The following DLG5 variants were observed in gnomAD, a reference collection of about 807,000 sequenced individuals.
DLG5 encodes the protein discs large MAGUK scaffold protein 5.
A neutral mutation model predicts 189.8 loss-of-function variants in DLG5; 48 were observed. The ratio of observed to expected loss-of-function variants is 0.25; its 90% CI spans 0.20 to 0.32. The LOEUF (loss-of-function observed/expected upper bound fraction) is 0.32, where lower values mean the gene tolerates loss of function less well. DLG5 is among the 10% of genes least tolerant of loss of function. DLG5 has a pLI of 1.00. For synonymous variants in DLG5, 1,016 were observed against 1,054.1 expected (o/e 0.96, Z 0.70); for missense variants, 2,160 against 2,544.7 (o/e 0.85, Z 3.25).
chr10:77,936,683 C>T, the DLG5 span, among the ~76,000 whole-genome samples: 1 of 152,192 alleles, frequency 6.6e-6, no homozygotes, highest in Admixed American at 6.5e-5. Context: ...TACCTAACCT[C>T]ACTTTGCAAA....
chr10:77,796,259 G>A lies in DLG5; in HGVS notation c.5309-71C>T. On this transcript the variant is annotated intron_variant, in intron 28 of 31. Coordinates refer to ENST00000372391, the MANE Select transcript of DLG5 (RefSeq NM_004747.4). This position sits in a 1 kb window ranked among gnomAD's most constrained non-coding sequence, Gnocchi z 5.2. Reference sequence around the variant, plus strand: ...AGCCCCAGCAGAGGGAGCAGGGGAAGAACACTGCTCAGCAGCTGTCAGTAA... The same window carrying A: ...AGCCCCAGCAGAGGGAGCAGGGGAAAAACACTGCTCAGCAGCTGTCAGTAA... 1 of 1,608,736 alleles carries A rather than the reference G, an allele frequency of 6.2e-7. No homozygotes were observed. The highest frequency in any genetic ancestry group is 8.5e-7 in the Non-Finnish European group (1 of 1,176,396).
intron 1 of DLG5, among the ~76,000 whole-genome samples, chr10:77,880,191 C>T (rs1204487668): frequency 6.6e-6 from 1 of 152,106 alleles, no homozygotes; most frequent in Non-Finnish European, 1.5e-5. Flanking sequence ...CAGTGGCTCA[C>T]ACCTGTAATC....
chr10:77,856,595 G>A (rs766820044), intron 3 of DLG5, 135 bp downstream of exon 3: 18 of 1,165,866 alleles, frequency 1.5e-5, no homozygotes, highest in Non-Finnish European at 2.2e-5. Flanking sequence ...CTGGACATGA[G>A]GTGGGGGAAA....
At position 77,820,497 on chromosome 10, in the gene DLG5, A is replaced by T. The variant is rs557758716; in HGVS notation, c.3403-479T>A. The T allele has an allele frequency of 8.0e-5, 13 of 163,442 alleles. No individual in the cohort carries two copies. The South Asian group carries it at 2.2e-3, about 28-fold the overall frequency. 10.1% of individuals were successfully genotyped at this position (163,442 alleles called of 1,614,324 possible). A position where few individuals can be genotyped will look rare whatever the true frequency, so the allele number is the denominator to read the frequency against. ...ATTCATGTTGCCTTACACATCTTCA[A>T]GGAAGCAGCTTTACTTCAGAAGAAA... On this transcript the variant is annotated intron_variant, in intron 15 of 31. Transcript: ENST00000372391.
chr10:77,835,986 C>T (rs1589186441), intron 7 of DLG5, 64 bp from the exon 8 acceptor site: 4 of 1,542,584 alleles, frequency 2.6e-6, no homozygotes, highest in East Asian at 4.5e-5. Context: ...GGAGCGCCTC[C>T]CACCAGTGCG....
chr10:77,884,541 G>C (rs1476414208), intron 1 of DLG5, among the ~76,000 whole-genome samples: 5 of 152,172 alleles, frequency 3.3e-5, no homozygotes, highest in African/African-American at 1.2e-4. Flanking sequence ...CATGGTTCAT[G>C]GTGGTCGGCA....
At position 77,794,021 on chromosome 10, in the gene DLG5, G is replaced by A. The variant is rs536322905; in HGVS notation, c.5643C>T (p.Ser1881=). ...EAAQKLEQEY[S]RYFTGVIQGG... is the part of the protein sequence containing the mutation. ...ACGCACACCTACCTGTGAAGTACCT[G>A]CTGTACTCCTGCTCAAGCTTCTGCG... The change falls in exon 31 of 32, where the codon AGC becomes AGT. Residue 1881 remains serine, a synonymous_variant. Coordinates refer to ENST00000372391, the MANE Select transcript of DLG5 (RefSeq NM_004747.4). 3.6e-5 allele frequency: 58 copies of A among 1,613,854 alleles called. No individual in the cohort carries two copies. In the East Asian group the frequency reaches 1.2e-3, roughly 33 times the overall value.
rs1488016884 is a variant in DLG5, at chr10:77,829,421, G to A, written c.2119C>T (p.Arg707Trp). ...NGEGAINMVV[R>W]RRKSLGGKVV... Reference sequence around the variant, plus strand: ...TTCCCACCCAGGGACTTCCTCCGCCGCACGACCATGTTGATGGCCCCCTCC... The same window carrying A: ...TTCCCACCCAGGGACTTCCTCCGCCACACGACCATGTTGATGGCCCCCTCC... The change falls in exon 12 of 32, where the codon CGG becomes TGG. Residue 707 changes from arginine (R) to tryptophan (W), a missense_variant. Transcript: ENST00000372391. 6.2e-7 allele frequency: 1 copy of A among 1,614,206 alleles called. No homozygotes were observed. Among genetic ancestry groups the A allele is most frequent in the Non-Finnish European group, 8.5e-7 (1 of 1,180,042 alleles).
chr10:77,920,249 TA>T (rs1392854098), intron 1 of DLG5, among the ~76,000 whole-genome samples: 3 of 152,200 alleles, frequency 2.0e-5, no homozygotes, highest in African/African-American at 7.2e-5. Context: ...GATTGTCAAA[TA>T]GCACAGTGAA....
At chr10:77,904,356 G>A (rs540166259) in intron 1 of DLG5, among the ~76,000 whole-genome samples, 1 of 151,974 alleles carries the variant, frequency 6.6e-6, no homozygotes, top group East Asian at 1.9e-4. Context: ...TTGGACTGTG[G>A]ACTTTTGGAT....
chr10:77,919,737 T>C (rs1846479822), intron 1 of DLG5, among the ~76,000 whole-genome samples: 1 of 151,996 alleles, frequency 6.6e-6, no homozygotes, highest in South Asian at 2.1e-4. Context: ...GGCAGCCAGC[T>C]CCACACCACC....
At chr10:77,924,008 G>A (rs1368218101) in intron 1 of DLG5, among the ~76,000 whole-genome samples, 4 of 152,042 alleles carry the variant, frequency 2.6e-5, no homozygotes, top group African/African-American at 9.7e-5. Flanking sequence ...GGGACTACAG[G>A]CGCCCACAAC....
Position 77,830,224 on chromosome 10 carries a change from G to A in DLG5, c.2002C>T (p.Arg668Cys). The A allele has an allele frequency of 6.2e-7, 1 of 1,614,070 alleles. No homozygotes were observed. The highest frequency in any genetic ancestry group is 8.5e-7 in the Non-Finnish European group (1 of 1,180,038). Residue 668 changes from arginine to cysteine, a missense_variant, in exon 11 of 32, where the codon CGC becomes TGC. Around this residue, in one of 5 missense-constraint regions of DLG5, gnomAD observed 107 missense variants for 214.5 expected, o/e 0.50. Coordinates refer to ENST00000372391, the MANE Select transcript of DLG5 (RefSeq NM_004747.4). The stretch of plus-strand genomic sequence containing the variant: ...CTGGGCCTCAACTCTTACCTTAAGC[G>A]GCCATCAGCAATGCTTCCTTTGTCC... The part of the protein sequence containing the change: ...KVDKGSIADG[R>C]LRVNDWLLRI...
chr10:77,852,722 G>A (rs992309576), intron 5 of DLG5, among the ~76,000 whole-genome samples: 1 of 152,134 alleles, frequency 6.6e-6, no homozygotes, highest in Admixed American at 6.5e-5. Flanking sequence ...TGTCACTGAT[G>A]TTTTTAAAGG....
rs150830203 is a variant in DLG5, at chr10:77,809,715, G to C, written c.4479C>G (p.Ala1493=). 146 of 1,612,612 alleles carry C rather than the reference G, an allele frequency of 9.1e-5. No individual in the cohort carries two copies. In the African/African-American group the frequency reaches 1.7e-3, roughly 19 times the overall value. The part of the protein sequence containing the change: ...KQSSSRIAGD[A]NKKTLEPRVV... ...CGCGTGGCTCCAGGGTCTTCTTGTTGGCATCTCCCGCAATCCTTTCAGGAA... is the reference window on the plus strand; with the variant it reads ...CGCGTGGCTCCAGGGTCTTCTTGTTCGCATCTCCCGCAATCCTTTCAGGAA... The change falls in exon 24 of 32, where the codon GCC becomes GCG. Residue 1493 remains alanine, a synonymous_variant. Transcript: ENST00000372391.
chr10:77,832,833 G>A (rs1232017779), intron 9 of DLG5, among the ~76,000 whole-genome samples: 1 of 152,166 alleles, frequency 6.6e-6, no homozygotes, highest in African/African-American at 2.4e-5. Context: ...CTAGACCCAA[G>A]ATGGTTCCTG....
At chr10:77,923,343 T>G (rs1846590469) in intron 1 of DLG5, among the ~76,000 whole-genome samples, 2 of 152,174 alleles carry the variant, frequency 1.3e-5, no homozygotes, top group Non-Finnish European at 2.9e-5. Context: ...AAGACTTCCA[T>G]TCCTTCAGCC....
rs201748635 is a variant in DLG5 at position 77,821,465 on chromosome 10, C to T, written c.3019G>A (p.Ala1007Thr). ...PAHSPQPSKR[A>T]GPLTPPKPPR... ...GGTTTTGGGGGTGTCAGAGGCCCCG[C>T]CCTCTTGGAGGGCTGGGGAGAGTGA... Residue 1007 changes from alanine to threonine, a missense_variant, in exon 15 of 32, where the codon GCG becomes ACG. This residue lies in a region of DLG5 where 754 missense variants were observed against 746.5 expected (regional missense o/e 1.01). Coordinates refer to ENST00000372391, the MANE Select transcript of DLG5 (RefSeq NM_004747.4). 123 of 1,612,708 alleles carry T rather than the reference C, an allele frequency of 7.6e-5. 1 individual carries two copies. In the East Asian group the frequency reaches 2.5e-3, roughly 33 times the overall value.
chr10:77,831,186 C>T (rs1842880742), intron 9 of DLG5, among the ~76,000 whole-genome samples: 1 of 152,078 alleles, frequency 6.6e-6, no homozygotes, highest in Non-Finnish European at 1.5e-5. Context: ...AGGCAGATCA[C>T]CAGAAGTCAG....
Sources: allele counts gnomAD v4.1 joint callset (sites outside exome capture counted in the v4.1 genomes callset), GRCh38; gene constraint gnomAD v4.1.1; regional missense constraint gnomAD v4.1.1; non-coding constraint Gnocchi (gnomAD v3.1); transcripts MANE v1.5; gene names NCBI Gene and HGNC (gene_info 2026-07-23, HGNC 2026-07-21).